CCN5: variants seen among roughly 807,000 people sequenced by gnomAD.
CCN5 encodes CCN family member 5.
A neutral mutation model predicts 18.7 loss-of-function variants in CCN5; 17 were observed. That is an observed-to-expected ratio of 0.91 (90% CI 0.62 to 1.36). The LOEUF (loss-of-function observed/expected upper bound fraction) is 1.36, where lower values mean the gene tolerates loss of function less well. Among genes scored for constraint, CCN5 ranks in the 40% most tolerant of loss-of-function variants. The pLI is 0.00. For synonymous variants in CCN5, 135 were observed against 145.2 expected (o/e 0.93, Z 0.50); for missense variants, 367 against 342.9 (o/e 1.07, Z -0.56).
intron 2 of CCN5, among the ~76,000 whole-genome samples, chr20:44,721,963 GT>G (rs1447087109): frequency 6.6e-6 from 1 of 152,248 alleles, no homozygotes; most frequent in Non-Finnish European, 1.5e-5. Flanking sequence ...ACATGCAGCA[GT>G]TGATTAGTAC....
At chr20:44,724,565 G>A in intron 2 of CCN5, 173 bp from the exon 3 acceptor site, 1 of 940,668 alleles carries the variant, frequency 1.1e-6, no homozygotes, top group East Asian at 2.9e-5. Context: ...GATCCAGGGT[G>A]CCCCAGCAGG....
chr20:44,714,947 C>T (rs1335735560), upstream of CCN5: 1 of 166,930 alleles, frequency 6.0e-6, no homozygotes, highest in Non-Finnish European at 1.3e-5. Context: ...TGCAGCCCCG[C>T]TGGGGTTCGG....
chr20:44,724,673 A>C, intron 2 of CCN5, 65 bp from the exon 3 acceptor site: 1 of 1,598,584 alleles, frequency 6.3e-7, no homozygotes, highest in South Asian at 1.1e-5. Flanking sequence ...GGATCTGGGC[A>C]GCTCTGCAGA....
Position 44,724,931 on chromosome 20 carries a change from C to A in CCN5, c.471C>A (p.Cys157Ter). 1.3e-6 allele frequency: 2 copies of A among 1,597,494 alleles called. No homozygotes were observed. Among genetic ancestry groups the A allele is most frequent in the Non-Finnish European group, 1.7e-6 (2 of 1,173,700 alleles). ...GGAGGGTCGAGGTCCTGGGCAAGTG[C>A]TGCCCTGAGTGGGTGTGCGGCCAAG... Reference protein sequence around the residue: ...HPRRVEVLGKCCPEWVCGQGG... With the variant: ...HPRRVEVLGK Residue 157 changes from cysteine (C) to a stop codon, truncating the protein, a stop_gained, in exon 3 of 4, where the codon TGC becomes TGA. Transcript: ENST00000190983. LOFTEE classifies it high-confidence loss of function.
chr20:44,726,650 T>C (rs146311857), intron 3 of CCN5, among the ~76,000 whole-genome samples: 1 of 152,104 alleles, frequency 6.6e-6, no homozygotes, highest in African/African-American at 2.4e-5. Flanking sequence ...AGAGGGAGAC[T>C]TGGAGCAGAG....
chr20:44,721,338 C>T (rs1295238761), intron 2 of CCN5: 1 of 92,578 alleles, frequency 1.1e-5, no homozygotes, highest in African/African-American at 3.5e-5. Flanking sequence ...AAGATCCTCT[C>T]TCTATCAAAA....
chr20:44,722,569 C>T (rs1188433106), intron 2 of CCN5, among the ~76,000 whole-genome samples: 4 of 150,078 alleles, frequency 2.7e-5, no homozygotes, highest in East Asian at 2.0e-4. Flanking sequence ...TGCGTTCAAG[C>T]GATTCTCACG....
intron 2 of CCN5, chr20:44,721,261 G>C: frequency 6.6e-6 from 1 of 150,604 alleles, no homozygotes; most frequent in Admixed American, 6.6e-5. Flanking sequence ...AATCCTATCA[G>C]TTTGGGAGAC....
chr20:44,722,051 G>A (rs1471396707), intron 2 of CCN5, among the ~76,000 whole-genome samples: 1 of 152,176 alleles, frequency 6.6e-6, no homozygotes, highest in Admixed American at 6.5e-5. Flanking sequence ...ACACCTGCAG[G>A]CCAAAGGCGT....
intron 2 of CCN5, among the ~76,000 whole-genome samples, chr20:44,722,456 T>TCG (rs2065906223): frequency 1.5e-5 from 1 of 67,298 alleles, no homozygotes; most frequent in Non-Finnish European, 4.9e-5. Flanking sequence ...GGTCTCTCTA[T>TCG]CTCTCTCTCT....
chr20:44,727,596 T>A lies in CCN5; in HGVS notation c.*289T>A. On this transcript the variant is annotated 3_prime_UTR_variant, in exon 4 of 4. Coordinates refer to ENST00000190983, the MANE Select transcript of CCN5 (RefSeq NM_003881.4). ...CCACTCCCTGCCTACACACACAGCC[T>A]ATATCAAACATGCACACGGGCGAGC... The A allele has an allele frequency of 8.6e-7, 1 of 1,166,198 alleles. No homozygotes were observed. The highest frequency in any genetic ancestry group is 1.1e-6 in the Non-Finnish European group (1 of 911,752). 72.2% of individuals were successfully genotyped at this position (1,166,198 alleles called of 1,614,324 possible). A position where few individuals can be genotyped will look rare whatever the true frequency, so the allele number is the denominator to read the frequency against.
chr20:44,725,831 C>G (rs1422183908), intron 3 of CCN5, among the ~76,000 whole-genome samples: 1 of 152,148 alleles, frequency 6.6e-6, no homozygotes, highest in Admixed American at 6.5e-5. Flanking sequence ...CACCGTCCCA[C>G]TATAAATCTT....
At chr20:44,723,475 C>A (rs2065913825) in intron 2 of CCN5, among the ~76,000 whole-genome samples, 1 of 152,002 alleles carries the variant, frequency 6.6e-6, no homozygotes, top group Non-Finnish European at 1.5e-5. Context: ...CAAGTGGGAG[C>A]CAGAGTTGGA....
chr20:44,727,477 T>C lies in CCN5; in HGVS notation c.*170T>C, dbSNP rs1243050926. On this transcript the variant is annotated 3_prime_UTR_variant, in exon 4 of 4. Coordinates refer to ENST00000190983, the MANE Select transcript of CCN5 (RefSeq NM_003881.4). ...ATATTAACACGCTGCCTGGTCTGTCTGGATCCCGAGGTATGGCAGAGGTGC... is the reference window on the plus strand; with the variant it reads ...ATATTAACACGCTGCCTGGTCTGTCCGGATCCCGAGGTATGGCAGAGGTGC... The C allele has an allele frequency of 5.6e-6, 8 of 1,427,598 alleles. No homozygotes were observed. In the African/African-American group the frequency reaches 8.7e-5, roughly 16 times the overall value. The allele number at this position is 1,427,598 out of a possible 1,614,324, so 88.4% of individuals were successfully genotyped here.
intron 3 of CCN5, among the ~76,000 whole-genome samples, chr20:44,725,666 C>A (rs943810610): frequency 1.3e-5 from 2 of 150,046 alleles, no homozygotes; most frequent in Non-Finnish European, 2.9e-5. Context: ...ATAATATTAT[C>A]GTATTTATAA....
In CCN5 at chr20:44,719,917, G is replaced by C. The variant is rs181244978; in HGVS notation, c.81G>C (p.Pro27=). Reference sequence around the variant, plus strand: ...TTCAGGTGCGTACCCAGCTGTGCCCGACACCATGTACCTGCCCCTGGCCAC... The same window carrying C: ...TTCAGGTGCGTACCCAGCTGTGCCCCACACCATGTACCTGCCCCTGGCCAC... ...LLSKVRTQLC[P]TPCTCPWPPP... is the part of the protein sequence containing the mutation. Residue 27 remains proline, a synonymous_variant, in exon 2 of 4, where the codon CCG becomes CCC. Coordinates refer to ENST00000190983, the MANE Select transcript of CCN5 (RefSeq NM_003881.4). The C allele has an allele frequency of 3.3e-5, 54 of 1,613,658 alleles. No homozygotes were observed. In the East Asian group the frequency reaches 9.6e-4, roughly 29 times the overall value.
Position 44,727,399 on chromosome 20 carries a change from A to T in CCN5, c.*92A>T. 1 of 1,463,508 alleles carries T rather than the reference A, an allele frequency of 6.8e-7. No individual in the cohort carries two copies. The allele number at this position is 1,463,508 out of a possible 1,614,324, so 90.7% of individuals were successfully genotyped here. ...GGCTGATGGAAGATGGTCCGTGCCCAGGCCCTTGGCTGCAGGCAACACTTT... is the reference window on the plus strand; with the variant it reads ...GGCTGATGGAAGATGGTCCGTGCCCTGGCCCTTGGCTGCAGGCAACACTTT... On this transcript the variant is annotated 3_prime_UTR_variant, in exon 4 of 4. Coordinates refer to ENST00000190983, the MANE Select transcript of CCN5 (RefSeq NM_003881.4).
In CCN5 at chr20:44,727,332, G is replaced by T. The variant is rs779656508; in HGVS notation, c.*25G>T. On this transcript the variant is annotated 3_prime_UTR_variant, in exon 4 of 4. Transcript: ENST00000190983. ...GAGCCGGGCTGGGAATGGGGACACG[G>T]TGTCCACCATCCCCAGCTGGTGGCC... 6.3e-7 allele frequency: 1 copy of T among 1,589,204 alleles called. No individual in the cohort carries two copies. The highest frequency in any genetic ancestry group is 1.7e-5 in the Admixed American group (1 of 58,116).
chr20:44,722,663 G>A (rs563040089), intron 2 of CCN5, among the ~76,000 whole-genome samples: 259 of 151,930 alleles, frequency 1.7e-3, no homozygotes, highest in Non-Finnish European at 2.3e-3. Context: ...CAGTAGAGAC[G>A]GGGTTTCACC....
Sources: gnomAD v4.1 joint callset for allele counts (sites outside exome capture counted in the v4.1 genomes callset) on GRCh38, gnomAD v4.1.1 for gene constraint, MANE v1.5 for transcripts, NCBI Gene and HGNC (gene_info 2026-07-23, HGNC 2026-07-21) for gene names.